Variants in ASPH observed in about 807,000 individuals in gnomAD.
ASPH encodes the protein aspartate beta-hydroxylase, also known as aspartyl/asparaginyl beta-hydroxylase.
In ASPH, 100 loss-of-function variants were observed where a neutral mutation model predicts 118.4. The observed-to-expected ratio is 0.84, with a 90% CI of 0.72 to 1.00. The LOEUF (loss-of-function observed/expected upper bound fraction) is 1.00, where lower values mean the gene tolerates loss of function less well. Ranked by LOEUF, ASPH falls within the 50% of genes least tolerant of loss-of-function variation. ASPH has a pLI of 0.00. For synonymous variants in ASPH, 315 were observed against 325.6 expected (o/e 0.97, Z 0.35); for missense variants, 920 against 919.5 (o/e 1.00, Z -0.01).
rs920136838 is a variant in ASPH at position 61,714,426 on chromosome 8, G to A, written c.-55C>T. ...GGCGGACCTCCTTCAGTGCGCGGGG[G>A]TACACACGCGACGCGGGAACCGCTG... On this transcript the variant is annotated 5_prime_UTR_variant, in exon 1 of 25. Coordinates refer to ENST00000379454, the MANE Select transcript of ASPH (RefSeq NM_004318.4). The A allele has an allele frequency of 7.3e-6, 10 of 1,378,886 alleles. No individual in the cohort carries two copies. Among genetic ancestry groups the A allele is most frequent in the African/African-American group, 1.5e-5 (1 of 65,658 alleles). 85.4% of individuals were successfully genotyped at this position (1,378,886 alleles called of 1,614,324 possible).
At chr8:61,714,077 G>A (rs953893490) in intron 1 of ASPH, among the ~76,000 whole-genome samples, 192 bp downstream of exon 1, 19 of 152,212 alleles carry the variant, frequency 1.2e-4, no homozygotes, top group Non-Finnish European at 2.1e-4. Flanking sequence ...ACCCCGGTCC[G>A]CCTGGCCCCT....
intron 21 of ASPH, among the ~76,000 whole-genome samples, chr8:61,546,289 CTTG>C (rs1447203937): frequency 1.3e-5 from 2 of 152,174 alleles, no homozygotes; most frequent in East Asian, 3.8e-4. Context: ...AGTAACATTT[CTTG>C]TTGTTTAAGC....
In ASPH at chr8:61,643,277, G is replaced by A. The variant is rs185069804; in HGVS notation, c.757+109C>T. ...AACAAAATCTCATGCATTAGATGTCGAAATTACTTCTTTGATGCCTTTAAA... is the reference window on the plus strand; with the variant it reads ...AACAAAATCTCATGCATTAGATGTCAAAATTACTTCTTTGATGCCTTTAAA... On this transcript the variant is annotated intron_variant, in intron 9 of 24. Transcript: ENST00000379454. 1.7e-4 allele frequency: 184 copies of A among 1,097,868 alleles called. 2 individuals carry two copies. In the African/African-American group the frequency reaches 2.5e-3, roughly 15 times the overall value. 68.0% of individuals were successfully genotyped at this position (1,097,868 alleles called of 1,614,324 possible).
chr8:61,649,975 C>T (rs1424940293), intron 5 of ASPH, among the ~76,000 whole-genome samples: 5 of 152,160 alleles, frequency 3.3e-5, no homozygotes, highest in African/African-American at 4.8e-5. Context: ...TGGGATATGC[C>T]TTCTGCTTAA....
intron 5 of ASPH, among the ~76,000 whole-genome samples, chr8:61,648,222 TCAC>T (rs1309982297): frequency 6.6e-6 from 1 of 152,222 alleles, no homozygotes; most frequent in African/African-American, 2.4e-5. Context: ...GGTGTCATTA[TCAC>T]CATTATTACA....
Position 61,677,791 on chromosome 8 carries a change from A to T in ASPH, c.322+3177T>A, listed in dbSNP as rs141207383. On this transcript the variant is annotated intron_variant, in intron 3 of 24. Coordinates refer to ENST00000379454, the MANE Select transcript of ASPH (RefSeq NM_004318.4). ...CACTATAGCTGCATATTTAGTATAAACATCTTTACTTTTCTCCATTTGCCA... is the reference window on the plus strand; with the variant it reads ...CACTATAGCTGCATATTTAGTATAATCATCTTTACTTTTCTCCATTTGCCA... Among the ~76,000 whole-genome samples, 190 of 152,274 alleles carry T rather than the reference A, an allele frequency of 1.2e-3. 1 individual carries two copies. The highest frequency in any genetic ancestry group is 4.3e-3 in the African/African-American group (178 of 41,556).
Position 61,663,422 on chromosome 8 carries a change from C to A in ASPH, c.323-9762G>T, listed in dbSNP as rs10094823. 677 of 985,412 alleles carry A rather than the reference C, an allele frequency of 6.9e-4. 6 individuals are homozygous for A. The African/African-American group carries it at 0.011, about 16-fold the overall frequency. The allele number at this position is 985,412 out of a possible 1,614,324, so 61.0% of individuals were successfully genotyped here. The stretch of plus-strand genomic sequence containing the variant: ...TGGTAAACTAGAGACTGGTCTGGAG[C>A]CTGCTGAGGGCCATCTTGGTTATCA... On this transcript the variant is annotated intron_variant, in intron 3 of 24. Transcript: ENST00000379454.
intron 9 of ASPH, 150 bp downstream of exon 9, chr8:61,643,236 T>A: frequency 1.4e-6 from 1 of 727,930 alleles, no homozygotes; most frequent in Non-Finnish European, 2.1e-6. Context: ...CTTATAACAG[T>A]CTAACTTTGT....
intron 18 of ASPH, among the ~76,000 whole-genome samples, chr8:61,559,561 C>A (rs1282766980): frequency 6.6e-6 from 1 of 152,058 alleles, no homozygotes; most frequent in African/African-American, 2.4e-5. Context: ...AAACTCTTTG[C>A]GTGATACATT....
At chr8:61,666,951 A>T (rs1819953550) in intron 3 of ASPH, among the ~76,000 whole-genome samples, 1 of 152,194 alleles carries the variant, frequency 6.6e-6, no homozygotes, top group South Asian at 2.1e-4. Context: ...CTAGATCAAG[A>T]AGTAAAATAT....
chr8:61,615,855 A>T (rs11782345), intron 14 of ASPH, among the ~76,000 whole-genome samples: 29,333 of 152,056 alleles, frequency 0.19, 3,006 homozygotes, highest in South Asian at 0.35. Context: ...AGGCCATTCC[A>T]TTTTTTTACT....
At chr8:61,663,213 T>TG in intron 3 of ASPH, 1 of 985,358 alleles carries the variant, frequency 1.0e-6, no homozygotes. Flanking sequence ...CACTTTCTTG[T>TG]CCCAGAAGCC....
intron 1 of ASPH, among the ~76,000 whole-genome samples, chr8:61,692,171 G>T (rs553144717): frequency 3.9e-5 from 6 of 152,192 alleles, no homozygotes; most frequent in African/African-American, 1.2e-4. Flanking sequence ...TTCCTCCTCA[G>T]TTCACAATGA....
intron 16 of ASPH, among the ~76,000 whole-genome samples, chr8:61,568,755 G>A (rs1289530275): frequency 6.6e-6 from 1 of 152,182 alleles, no homozygotes; most frequent in African/African-American, 2.4e-5. Flanking sequence ...GGTCATTAGA[G>A]ATCAGGATAA....
intron 15 of ASPH, chr8:61,579,441 A>C: frequency 3.1e-6 from 5 of 1,611,026 alleles, no homozygotes; most frequent in Non-Finnish European, 4.2e-6. Flanking sequence ...TGGGATGCAG[A>C]ACATGAGTAT....
chr8:61,518,130 T>A lies in ASPH; in HGVS notation c.1901-7A>T. ...GCATTTTCATTTCTTCTTCCTAGAA[T>A]AAATAACATAATTGTTGGAAACAAA... is the stretch of plus-strand genomic sequence containing the variant. On this transcript the variant is annotated splice_polypyrimidine_tract_variant and splice_region_variant and intron_variant, in intron 22 of 24. Transcript: ENST00000379454. 6.2e-7 allele frequency: 1 copy of A among 1,607,444 alleles called. No homozygotes were observed. Among genetic ancestry groups the A allele is most frequent in the Non-Finnish European group, 8.5e-7 (1 of 1,174,244 alleles).
chr8:61,640,967 C>G (rs1804841041), intron 10 of ASPH, among the ~76,000 whole-genome samples: 1 of 152,218 alleles, frequency 6.6e-6, no homozygotes, highest in African/African-American at 2.4e-5. Context: ...TTTCACCCTA[C>G]TTACAGCTTC....
At chr8:61,649,925 G>C (rs190236011) in intron 5 of ASPH, among the ~76,000 whole-genome samples, 1 of 152,198 alleles carries the variant, frequency 6.6e-6, no homozygotes, top group African/African-American at 2.4e-5. Flanking sequence ...TATTCCACGT[G>C]CCAGCCATTC....
intron 14 of ASPH, among the ~76,000 whole-genome samples, chr8:61,585,354 G>T (rs1304585416): frequency 1.3e-5 from 2 of 152,186 alleles, no homozygotes; most frequent in African/African-American, 2.4e-5. Context: ...TGGAGAAGGG[G>T]AGTGGTGGCA....
Sources: gnomAD v4.1 joint callset for allele counts (sites outside exome capture counted in the v4.1 genomes callset) on GRCh38, gnomAD v4.1.1 for gene constraint, MANE v1.5 for transcripts, NCBI Gene and HGNC (gene_info 2026-07-23, HGNC 2026-07-21) for gene names.